Variants in PTCHD4 observed in about 807,000 individuals in gnomAD.
The protein encoded by PTCHD4 is patched domain-containing protein 4.
A neutral mutation model predicts 58.1 loss-of-function variants in PTCHD4; 33 were observed. The ratio of observed to expected loss-of-function variants is 0.57; its 90% CI spans 0.43 to 0.76. The LOEUF (loss-of-function observed/expected upper bound fraction) is 0.76. Among genes scored for constraint, PTCHD4 ranks in the 30% least tolerant of loss-of-function variants. PTCHD4 has a pLI of 0.00. For missense variants in PTCHD4, 1,058 were observed against 1,027.1 expected (o/e 1.03, Z -0.41); for synonymous variants, 478 against 409.6 (o/e 1.17, Z -2.02).
intron 3 of PTCHD4, among the ~76,000 whole-genome samples, chr6:48,032,015 A>G (rs1263528062): frequency 1.3e-5 from 2 of 152,026 alleles, no homozygotes; most frequent in East Asian, 1.9e-4. Flanking sequence ...GTAAATTTGC[A>G]TTTTAATATA....
At chr6:47,970,365 G>A (rs1052933840) in intron 4 of PTCHD4, among the ~76,000 whole-genome samples, 7 of 152,180 alleles carry the variant, frequency 4.6e-5, no homozygotes, top group African/African-American at 1.7e-4. Context: ...AATTGACTAA[G>A]CATGGGGAAA....
chr6:48,089,590 A>T (rs1159119902), intron 1 of PTCHD4, among the ~76,000 whole-genome samples: 1 of 152,166 alleles, frequency 6.6e-6, no homozygotes, highest in African/African-American at 2.4e-5. Context: ...TTTAACCTTT[A>T]TTGACCCGTT....
chr6:47,898,663 A>G (rs1764599072), intron 4 of PTCHD4, among the ~76,000 whole-genome samples: 1 of 152,232 alleles, frequency 6.6e-6, no homozygotes. Flanking sequence ...TGCTTGTGGT[A>G]AACTAGATAG....
In PTCHD4 at chr6:47,860,765, T is replaced by G. The variant is rs1763407224; in HGVS notation, c.*17538A>C. 6.6e-6 allele frequency among the ~76,000 whole-genome samples: 1 copy of G among 152,022 alleles called. No homozygotes were observed. ...TTAAAAACCCACTAGTCTACTAGTT[T>G]ATTTCACTCATTGCTTGGGATTTAT... is the stretch of plus-strand genomic sequence containing the variant. On this transcript the variant is annotated 3_prime_UTR_variant, in exon 5 of 5. Transcript: ENST00000339488.
intron 4 of PTCHD4, among the ~76,000 whole-genome samples, chr6:47,945,947 A>G (rs1766401585): frequency 6.6e-6 from 1 of 151,818 alleles, no homozygotes; most frequent in South Asian, 2.1e-4. Context: ...TCAATAATAT[A>G]TACTTTAAAA....
At chr6:47,999,055 CA>C (rs1768612445) in intron 4 of PTCHD4, among the ~76,000 whole-genome samples, 1 of 152,174 alleles carries the variant, frequency 6.6e-6, no homozygotes, top group South Asian at 2.1e-4. Flanking sequence ...CAAGGAGACA[CA>C]GTTCTATCCC....
At chr6:47,903,146 A>C (rs1169378076) in intron 4 of PTCHD4, among the ~76,000 whole-genome samples, 1 of 152,226 alleles carries the variant, frequency 6.6e-6, no homozygotes, top group East Asian at 1.9e-4. Flanking sequence ...TAATTTGAGC[A>C]CAAAGATGAG....
chr6:48,064,295 T>C (rs1202891163), intron 3 of PTCHD4, among the ~76,000 whole-genome samples: 1 of 152,116 alleles, frequency 6.6e-6, no homozygotes, highest in Non-Finnish European at 1.5e-5. Flanking sequence ...GTTGCTTTCA[T>C]GAAACTAGCC....
At chr6:48,093,338 C>T (rs1251135283) in intron 1 of PTCHD4, among the ~76,000 whole-genome samples, 1 of 152,094 alleles carries the variant, frequency 6.6e-6, no homozygotes, top group East Asian at 1.9e-4. Context: ...GAATTCAGGA[C>T]AGTTAGGTGA....
chr6:48,043,875 G>A (rs1400400601), intron 3 of PTCHD4, among the ~76,000 whole-genome samples: 6 of 151,784 alleles, frequency 4.0e-5, no homozygotes, highest in East Asian at 1.9e-4. Context: ...TTAACCTGGA[G>A]GCAGAAGCAG....
chr6:48,052,879 G>C (rs138904331), intron 3 of PTCHD4, among the ~76,000 whole-genome samples: 1 of 151,964 alleles, frequency 6.6e-6, no homozygotes, highest in African/African-American at 2.4e-5. Flanking sequence ...TATAATTGCC[G>C]TTTAAAAATA....
chr6:48,023,245 T>C (rs1471506044), intron 3 of PTCHD4, among the ~76,000 whole-genome samples: 1 of 152,194 alleles, frequency 6.6e-6, no homozygotes, highest in East Asian at 1.9e-4. Context: ...TTATTTATCA[T>C]ATATCCCCAT....
intron 4 of PTCHD4, among the ~76,000 whole-genome samples, chr6:47,904,532 C>T (rs1158959945): frequency 1.3e-5 from 2 of 152,154 alleles, no homozygotes; most frequent in Non-Finnish European, 2.9e-5. Flanking sequence ...AAAGTTTGCC[C>T]ACCTCTGACT....
intron 1 of PTCHD4, among the ~76,000 whole-genome samples, chr6:48,078,884 G>T (rs1357429900): frequency 6.6e-6 from 1 of 151,978 alleles, no homozygotes; most frequent in African/African-American, 2.4e-5. Flanking sequence ...TTTGGGAGGC[G>T]GAGGCGGGCG....
chr6:47,952,370 A>G (rs1766687312), intron 4 of PTCHD4, among the ~76,000 whole-genome samples: 2 of 152,090 alleles, frequency 1.3e-5, no homozygotes, highest in African/African-American at 4.8e-5. Context: ...ATCAACACCA[A>G]AAGTTATGAG....
intron 4 of PTCHD4, among the ~76,000 whole-genome samples, chr6:47,985,519 T>G (rs555100503): frequency 7.2e-5 from 11 of 152,220 alleles, no homozygotes; most frequent in Middle Eastern, 3.4e-3. Flanking sequence ...AGTAGAACAA[T>G]TTATGATATA....
intron 4 of PTCHD4, among the ~76,000 whole-genome samples, chr6:47,958,690 G>A (rs1766963366): frequency 6.6e-6 from 1 of 152,120 alleles, no homozygotes; most frequent in African/African-American, 2.4e-5. Flanking sequence ...AAGAATTCAG[G>A]GGAGTACTGA....
chr6:48,033,074 G>T (rs952645453), intron 3 of PTCHD4, among the ~76,000 whole-genome samples: 14 of 152,074 alleles, frequency 9.2e-5, no homozygotes, highest in African/African-American at 3.4e-4. Context: ...AAAGGACAGG[G>T]TTATGATTAT....
chr6:47,918,351 A>G (rs888176464), intron 4 of PTCHD4, among the ~76,000 whole-genome samples: 2 of 152,170 alleles, frequency 1.3e-5, no homozygotes, highest in African/African-American at 4.8e-5. Context: ...CAATTATTCT[A>G]TTAACTCTAA....
Sources: allele counts gnomAD v4.1 joint callset (sites outside exome capture counted in the v4.1 genomes callset), GRCh38; gene constraint gnomAD v4.1.1; transcripts MANE v1.5; gene names NCBI Gene and HGNC (gene_info 2026-07-23, HGNC 2026-07-21).